POLB: variants seen among roughly 807,000 people sequenced by gnomAD.
POLB encodes 5'-dRP lyase.
Under a neutral mutation model 52.7 loss-of-function variants are expected in POLB, and 37 were observed. That is an observed-to-expected ratio of 0.70 (90% CI 0.54 to 0.92). POLB has a LOEUF of 0.92. POLB is among the 40% of genes least tolerant of loss of function. The pLI, the probability that POLB is intolerant of heterozygous loss-of-function variation, is 0.00. For missense variants in POLB, 313 were observed against 400.8 expected (o/e 0.78, Z 1.87); for synonymous variants, 138 against 131.3 (o/e 1.05, Z -0.35).
chr8:42,365,173 A>G (rs937876966), intron 11 of POLB, among the ~76,000 whole-genome samples: 1 of 152,248 alleles, frequency 6.6e-6, no homozygotes, highest in African/African-American at 2.4e-5. Context: ...AAATCATGTC[A>G]TTAAGTTCAG....
chr8:42,352,476 C>T (rs1255334882), intron 5 of POLB, 43 bp from the exon 6 acceptor site: 5 of 1,343,256 alleles, frequency 3.7e-6, no homozygotes, highest in South Asian at 3.5e-5. Context: ...TACAAGGATC[C>T]CAAGTTTCAC....
At position 42,338,657 on chromosome 8, in the gene POLB, C is replaced by T; in HGVS notation, c.33C>T (p.Leu11=). 2 of 1,614,192 alleles carry T rather than the reference C, an allele frequency of 1.2e-6. No individual in the cohort carries two copies. Among genetic ancestry groups the T allele is most frequent in the African/African-American group, 1.3e-5 (1 of 75,064 alleles). ...AACGGAAGGCGCCGCAGGAGACTCT[C>T]AACGGGGGAATCACCGACATGCTCA... MSKRKAPQET[L]NGGITDMLTE... Residue 11 remains leucine, a synonymous_variant, in exon 1 of 14, where the codon CTC becomes CTT. Coordinates refer to ENST00000265421, the MANE Select transcript of POLB (RefSeq NM_002690.3).
chr8:42,344,122 G>A (rs1244437446), intron 2 of POLB, among the ~76,000 whole-genome samples: 2 of 134,048 alleles, frequency 1.5e-5, no homozygotes, highest in Non-Finnish European at 3.2e-5. Context: ...CAGACTGGGC[G>A]AGACTCCGTC....
chr8:42,362,273 TAA>T lies in POLB; in HGVS notation c.622-336_622-335del, dbSNP rs1563405085. ...GACTCCATCTAAAAATAAAATAAAA[TAA>T]AATAAAATAAAATAAAATAAAATAG... On this transcript the variant is annotated intron_variant, in intron 10 of 13. Transcript: ENST00000265421. Among the ~76,000 whole-genome samples, 18 of 144,426 alleles carry T rather than the reference TAA, an allele frequency of 1.2e-4. 2 individuals carry two copies. The highest frequency in any genetic ancestry group is 4.7e-4 in the African/African-American group (18 of 38,314). The allele number at this position is 144,426 out of a possible 152,430, so 94.7% of individuals were successfully genotyped here.
intron 2 of POLB, among the ~76,000 whole-genome samples, chr8:42,343,347 T>G (rs374260401): frequency 7.4e-5 from 1 of 13,458 alleles, no homozygotes; most frequent in African/African-American, 1.2e-4. Context: ...AAAAAAAAAA[T>G]ATATATATAT....
In POLB at chr8:42,362,600, A is replaced by C. The variant is rs1275812387; in HGVS notation, c.622-12A>C. 22 of 1,536,754 alleles carry C rather than the reference A, an allele frequency of 1.4e-5. No individual in the cohort carries two copies. The highest frequency in any genetic ancestry group is 2.0e-5 in the Non-Finnish European group (22 of 1,113,602). ...TTACTCTTTTTCTTATTCCCTAATT[A>C]TGATTCTACAGCCAAAACTGTTACA... On this transcript the variant is annotated splice_polypyrimidine_tract_variant and intron_variant, in intron 10 of 13. Transcript: ENST00000265421.
intron 4 of POLB, 125 bp from the exon 5 acceptor site, chr8:42,349,882 G>A: frequency 1.5e-6 from 1 of 675,522 alleles, no homozygotes; most frequent in African/African-American, 1.8e-5. Context: ...ATAATTTTGT[G>A]TGGGTCACCC....
At chr8:42,350,164 C>G in intron 5 of POLB, 99 bp downstream of exon 5, 1 of 803,762 alleles carries the variant, frequency 1.2e-6, no homozygotes, top group African/African-American at 1.7e-5. Flanking sequence ...TGTACTTCAC[C>G]ACCTCTGTAC....
At chr8:42,346,274 C>T (rs1271034699) in intron 3 of POLB, among the ~76,000 whole-genome samples, 1 of 151,994 alleles carries the variant, frequency 6.6e-6, no homozygotes, top group Non-Finnish European at 1.5e-5. Flanking sequence ...TCCTTTTGTT[C>T]TTTACCTATT....
chr8:42,348,241 T>C (rs1212868096), intron 3 of POLB, among the ~76,000 whole-genome samples: 1 of 152,212 alleles, frequency 6.6e-6, no homozygotes, highest in Non-Finnish European at 1.5e-5. Context: ...ATCACCTGTA[T>C]GCCAGTCACT....
chr8:42,367,309 G>C lies in POLB; in HGVS notation c.709-1962G>C, dbSNP rs191293446. 3.6e-4 allele frequency among the ~76,000 whole-genome samples: 55 copies of C among 152,250 alleles called. 1 individual carries two copies. The highest frequency in any genetic ancestry group is 1.2e-3 in the African/African-American group (48 of 41,544). On this transcript the variant is annotated intron_variant, in intron 11 of 13. Coordinates refer to ENST00000265421, the MANE Select transcript of POLB (RefSeq NM_002690.3). ...GTTATTTTTTAAAAAGGAAGAACAG[G>C]GTCTAGGGGAGAGGAGAGTGCAGGA...
intron 11 of POLB, among the ~76,000 whole-genome samples, chr8:42,368,323 T>C (rs1824168426): frequency 6.6e-6 from 1 of 152,216 alleles, no homozygotes; most frequent in Non-Finnish European, 1.5e-5. Context: ...ATTTTGAAGG[T>C]AAACATATTT....
intron 2 of POLB, chr8:42,339,990 A>G (rs1822098936): frequency 6.6e-6 from 1 of 152,168 alleles, no homozygotes; most frequent in African/African-American, 2.4e-5. Flanking sequence ...TCTTCTTGAA[A>G]AATCTTCATT....
In POLB at chr8:42,351,020, T is replaced by C. The variant is rs544372326; in HGVS notation, c.320+955T>C. On this transcript the variant is annotated intron_variant, in intron 5 of 13. Transcript: ENST00000265421. The stretch of plus-strand genomic sequence containing the variant: ...CTTTTGAGTAGCTGAGACTACAGGC[T>C]TGCGCAACCATGTGTGGCCAATTTT... Among the ~76,000 whole-genome samples the C allele has an allele frequency of 4.6e-5, 7 of 152,174 alleles. No individual in the cohort carries two copies. In the South Asian group the frequency reaches 1.5e-3, roughly 32 times the overall value.
chr8:42,338,912 G>A, intron 1 of POLB, 100 bp from the exon 2 acceptor site: 1 of 1,085,100 alleles, frequency 9.2e-7, no homozygotes, highest in Non-Finnish European at 1.4e-6. Flanking sequence ...GGAAACGGGT[G>A]GTCACTGTCT....
intron 11 of POLB, 133 bp downstream of exon 11, chr8:42,362,831 A>G (rs1350009673): frequency 1.7e-6 from 1 of 581,182 alleles, no homozygotes; most frequent in Admixed American, 3.4e-5. Context: ...TTTAAAGAAA[A>G]ATAATAGCAG....
rs1823822782 is a variant in POLB at position 42,363,202 on chromosome 8, T to C, written c.708+504T>C. 1.3e-5 allele frequency among the ~76,000 whole-genome samples: 2 copies of C among 151,842 alleles called. 1 individual carries two copies. Among genetic ancestry groups the C allele is most frequent in the South Asian group, 4.1e-4 (2 of 4,826 alleles). Reference sequence around the variant, plus strand: ...TCTCAGAATATTTTAGGAAAGAATTTTCTTTTAATTCTCCACTTGTAAATA... The same window carrying C: ...TCTCAGAATATTTTAGGAAAGAATTCTCTTTTAATTCTCCACTTGTAAATA... On this transcript the variant is annotated intron_variant, in intron 11 of 13. Coordinates refer to ENST00000265421, the MANE Select transcript of POLB (RefSeq NM_002690.3).
At chr8:42,361,692 T>C (rs1273200099) in intron 10 of POLB, 1 of 193,450 alleles carries the variant, frequency 5.2e-6, no homozygotes, top group Non-Finnish European at 1.1e-5. Context: ...AAATGAAATA[T>C]TGAGAAACCT....
At chr8:42,368,878 C>T (rs1824202716) in intron 11 of POLB, 1 of 154,160 alleles carries the variant, frequency 6.5e-6, no homozygotes, top group Non-Finnish European at 1.4e-5. Context: ...TTACTGGAAG[C>T]TTTTTTGTTT....
Sources: gnomAD v4.1 joint callset for allele counts (sites outside exome capture counted in the v4.1 genomes callset) on GRCh38, gnomAD v4.1.1 for gene constraint, MANE v1.5 for transcripts, NCBI Gene and HGNC (gene_info 2026-07-23, HGNC 2026-07-21) for gene names.